Variants in ZNF560 observed in about 807,000 individuals in gnomAD.
The protein encoded by ZNF560 is zinc finger protein 560.
A neutral mutation model predicts 81.8 loss-of-function variants in ZNF560; 54 were observed. The ratio of observed to expected loss-of-function variants is 0.66; its 90% CI spans 0.53 to 0.83. The LOEUF (loss-of-function observed/expected upper bound fraction) is 0.83, where lower values mean the gene tolerates loss of function less well. Among genes scored for constraint, ZNF560 ranks in the 40% least tolerant of loss-of-function variants. ZNF560 has a pLI of 0.00. For missense variants in ZNF560, 940 were observed against 932.4 expected (o/e 1.01, Z -0.11); for synonymous variants, 321 against 317.9 (o/e 1.01, Z -0.10).
rs747315246 is a variant in ZNF560 at position 9,466,752 on chromosome 19, C to T, written c.2195G>A (p.Arg732Gln). Residue 732 changes from arginine (R) to glutamine (Q), a missense_variant, in exon 10 of 10, where the codon CGA becomes CAA. Transcript: ENST00000301480. ...ATAGGGCTTCTCTCCAGTGTGAATT[C>T]GCACATGATTAGTAAGATCTGAATG... is the stretch of plus-strand genomic sequence containing the variant. The part of the protein sequence containing the change: ...TCHSDLTNHV[R>Q]IHTGEKPYKC... The T allele has an allele frequency of 5.3e-5, 85 of 1,613,966 alleles. No homozygotes were observed. Among genetic ancestry groups the T allele is most frequent in the African/African-American group, 1.1e-4 (8 of 74,906 alleles).
the ZNF560 span, among the ~76,000 whole-genome samples, chr19:9,446,610 A>G: frequency 6.6e-6 from 1 of 152,178 alleles, no homozygotes; most frequent in Non-Finnish European, 1.5e-5. Flanking sequence ...CTAATCAAGA[A>G]AATATAGCAA....
At chr19:9,476,443 C>T (rs2073203566) in intron 2 of ZNF560, among the ~76,000 whole-genome samples, 1 of 152,122 alleles carries the variant, frequency 6.6e-6, no homozygotes, top group African/African-American at 2.4e-5. Flanking sequence ...CAGGCACGTG[C>T]CACCAGACCT....
chr19:9,461,976 G>A (rs1178703534), downstream of ZNF560, among the ~76,000 whole-genome samples: 2 of 152,210 alleles, frequency 1.3e-5, no homozygotes, highest in Non-Finnish European at 2.9e-5. Flanking sequence ...GAGGCTCTGT[G>A]ATTTCTATGA....
chr19:9,468,145 T>C lies in ZNF560; in HGVS notation c.802A>G (p.Ser268Gly), dbSNP rs147648072. ...AGGCGGAAAGATTTTCCATGCTTACTGAACACAGAAACTTTCCTTATGGTA... is the reference window on the plus strand; with the variant it reads ...AGGCGGAAAGATTTTCCATGCTTACCGAACACAGAAACTTTCCTTATGGTA... ...TSTIRKVSVF[S>G]KHGKSFRLIL... The change falls in exon 10 of 10, where the codon AGT (serine) becomes GGT (glycine). Residue 268 changes from serine to glycine, a missense_variant. Physicochemically the swap from Ser to Gly is moderately conservative, Grantham distance 56 (BLOSUM62 0). Coordinates refer to ENST00000301480, the MANE Select transcript of ZNF560 (RefSeq NM_152476.3). 226 of 1,614,106 alleles carry C rather than the reference T, an allele frequency of 1.4e-4. 1 individual carries two copies. The African/African-American group carries it at 2.8e-3, about 20-fold the overall frequency.
intron 2 of ZNF560, among the ~76,000 whole-genome samples, chr19:9,485,091 A>T (rs12461013): frequency 0.1 from 15,532 of 152,204 alleles, 954 homozygotes; most frequent in South Asian, 0.2. Context: ...AGACCAAATC[A>T]CTAACTAAAA....
At chr19:9,501,454 G>A (rs2073632842), upstream of ZNF560, among the ~76,000 whole-genome samples, 1 of 151,230 alleles carries the variant, frequency 6.6e-6, no homozygotes, top group African/African-American at 2.4e-5. Flanking sequence ...CGCCTCCCGG[G>A]TTCAAGCGAT....
At chr19:9,492,266 G>T (rs2073485754) in intron 2 of ZNF560, among the ~76,000 whole-genome samples, 1 of 152,132 alleles carries the variant, frequency 6.6e-6, no homozygotes, top group South Asian at 2.1e-4. Flanking sequence ...AGGGGAGCCA[G>T]CTGGTGGCAA....
At chr19:9,472,816 G>C (rs2073143194) in intron 5 of ZNF560, among the ~76,000 whole-genome samples, 1 of 152,146 alleles carries the variant, frequency 6.6e-6, no homozygotes, top group Non-Finnish European at 1.5e-5. Context: ...CTGAGACCTG[G>C]TCTGTGGAAA....
chr19:9,469,822 G>T, intron 7 of ZNF560, 112 bp from the exon 8 acceptor site: 3 of 798,530 alleles, frequency 3.8e-6, no homozygotes, highest in Non-Finnish European at 6.5e-6. Context: ...CACTTAAATT[G>T]CATATATCCC....
chr19:9,483,158 T>C (rs1296258484), intron 2 of ZNF560, among the ~76,000 whole-genome samples: 1 of 146,022 alleles, frequency 6.8e-6, no homozygotes, highest in Non-Finnish European at 1.5e-5. Context: ...TCTGCCTGGC[T>C]GCCCAGTCTG....
intron 2 of ZNF560, among the ~76,000 whole-genome samples, chr19:9,493,554 G>A (rs932890769): frequency 9.9e-5 from 15 of 151,914 alleles, no homozygotes; most frequent in Non-Finnish European, 1.8e-4. Context: ...TAGAGACAGG[G>A]GTTCACCATG....
upstream of ZNF560, among the ~76,000 whole-genome samples, chr19:9,500,891 A>G (rs1222688833): frequency 6.6e-6 from 1 of 151,994 alleles, no homozygotes; most frequent in Non-Finnish European, 1.5e-5. Flanking sequence ...CTTAATTTTT[A>G]TCAAGGAAAA....
chr19:9,447,302 CTG>C, the ZNF560 span, among the ~76,000 whole-genome samples: 1 of 152,126 alleles, frequency 6.6e-6, no homozygotes, highest in East Asian at 1.9e-4. Context: ...GAGAAGGAAA[CTG>C]TAAGAATTCT....
intron 2 of ZNF560, among the ~76,000 whole-genome samples, chr19:9,476,961 A>G (rs936549678): frequency 6.6e-6 from 1 of 152,152 alleles, no homozygotes. Context: ...ATCTAAGTGG[A>G]TAACTGGCAA....
At chr19:9,492,695 A>C (rs1296996605) in intron 2 of ZNF560, among the ~76,000 whole-genome samples, 1 of 152,236 alleles carries the variant, frequency 6.6e-6, no homozygotes, top group African/African-American at 2.4e-5. Context: ...CAACCTCTGA[A>C]AGAATGGGAT....
At chr19:9,452,244 A>G in the ZNF560 span, among the ~76,000 whole-genome samples, 1 of 152,228 alleles carries the variant, frequency 6.6e-6, no homozygotes, top group East Asian at 1.9e-4. Context: ...CATAATGGCT[A>G]CTATTTAAAA....
Position 9,469,657 on chromosome 19 carries a change from A to T in ZNF560, c.502T>A (p.Leu168Met), listed in dbSNP as rs750967289. 19 of 1,614,076 alleles carry T rather than the reference A, an allele frequency of 1.2e-5. No homozygotes were observed. In the South Asian group the frequency reaches 2.1e-4, roughly 18 times the overall value. ...TGGAGAACTCTTGGCAGTGTGCTCA[A>T]CTCTTCCTCTTCCTCCAGCCAAGAG... ...LISWLEEEEE[L>M]STLPRVLQEW... Residue 168 changes from leucine (L) to methionine (M), a missense_variant, in exon 8 of 10, where the codon TTG becomes ATG. Transcript: ENST00000301480.
upstream of ZNF560, among the ~76,000 whole-genome samples, chr19:9,501,144 C>A (rs1011351343): frequency 3.7e-5 from 5 of 134,976 alleles, no homozygotes; most frequent in Non-Finnish European, 8.0e-5. Flanking sequence ...TCTCTAATTT[C>A]TTTCTCTTTA....
intron 2 of ZNF560, among the ~76,000 whole-genome samples, chr19:9,494,013 A>G (rs549627521): frequency 6.6e-6 from 1 of 151,706 alleles, no homozygotes; most frequent in East Asian, 2.0e-4. Flanking sequence ...TGCACCTGTA[A>G]TCCCAGCTAC....
Sources: allele counts gnomAD v4.1 joint callset (sites outside exome capture counted in the v4.1 genomes callset), GRCh38; gene constraint gnomAD v4.1.1; transcripts MANE v1.5; gene names NCBI Gene and HGNC (gene_info 2026-07-23, HGNC 2026-07-21).